Variants in PTPRE observed in about 807,000 individuals in gnomAD.
The protein encoded by PTPRE is receptor-type tyrosine-protein phosphatase epsilon.
In PTPRE, 51 loss-of-function variants were observed where a neutral mutation model predicts 102.0. The ratio of observed to expected loss-of-function variants is 0.50; its 90% CI spans 0.40 to 0.63. The LOEUF (loss-of-function observed/expected upper bound fraction) is 0.63, where lower values mean the gene tolerates loss of function less well. Among genes scored for constraint, PTPRE ranks in the 30% least tolerant of loss-of-function variants. PTPRE has a pLI of 0.00. For synonymous variants in PTPRE, 345 were observed against 348.2 expected (o/e 0.99, Z 0.10); for missense variants, 752 against 915.1 (o/e 0.82, Z 2.30).
chr10:128,024,759 G>T lies in PTPRE; in HGVS notation c.-7-16116G>T, dbSNP rs1438077002. Among the ~76,000 whole-genome samples the T allele has an allele frequency of 4.6e-5, 7 of 152,314 alleles. No homozygotes were observed. In the South Asian group the frequency reaches 1.4e-3, roughly 32 times the overall value. Reference sequence around the variant, plus strand: ...AGCCCCAGGAGGAAGCCCATCAGGGGACTTCCTGCGGCTTTAAAATTTCTT... The same window carrying T: ...AGCCCCAGGAGGAAGCCCATCAGGGTACTTCCTGCGGCTTTAAAATTTCTT... On this transcript the variant is annotated intron_variant, in intron 2 of 20. Coordinates refer to ENST00000254667, the MANE Select transcript of PTPRE (RefSeq NM_006504.6).
intron 7 of PTPRE, 38 bp from the exon 8 acceptor site, chr10:128,060,901 G>C: frequency 6.3e-7 from 1 of 1,582,150 alleles, no homozygotes; most frequent in Non-Finnish European, 8.7e-7. Flanking sequence ...GTGATTCCTG[G>C]TCCTAATATC....
intron 2 of PTPRE, among the ~76,000 whole-genome samples, chr10:128,036,048 A>T (rs1325560954): frequency 1.3e-5 from 2 of 152,144 alleles, no homozygotes; most frequent in Admixed American, 1.3e-4. Flanking sequence ...GTGAGGAGAG[A>T]GAGGGGACCA....
At chr10:128,069,242 A>C (rs1850546324) in intron 12 of PTPRE, 1 of 142,494 alleles carries the variant, frequency 7.0e-6, no homozygotes, top group Non-Finnish European at 1.5e-5. Context: ...CAGTAATCTG[A>C]CAGATGCCAC....
chr10:128,013,013 A>G (rs150385634), intron 2 of PTPRE, among the ~76,000 whole-genome samples: 262 of 152,262 alleles, frequency 1.7e-3, no homozygotes, highest in African/African-American at 5.8e-3. Flanking sequence ...AGTGCTTCCC[A>G]CTGTGAGAGC....
intron 2 of PTPRE, among the ~76,000 whole-genome samples, chr10:128,011,801 C>T (rs1017535246): frequency 6.6e-6 from 1 of 152,230 alleles, no homozygotes; most frequent in Admixed American, 6.5e-5. Flanking sequence ...ACTGTGGGTG[C>T]CTCACACGTG....
chr10:128,006,296 G>A (rs1258638153), intron 2 of PTPRE, among the ~76,000 whole-genome samples: 2 of 152,198 alleles, frequency 1.3e-5, no homozygotes, highest in Non-Finnish European at 2.9e-5. Flanking sequence ...GGCACCATCA[G>A]GGTCCCTGGG....
At chr10:127,996,128 G>A (rs1005736641) in intron 2 of PTPRE, among the ~76,000 whole-genome samples, 1 of 152,166 alleles carries the variant, frequency 6.6e-6, no homozygotes, top group Non-Finnish European at 1.5e-5. Flanking sequence ...CAGTGTGGAC[G>A]TGGAGTAGTG....
At chr10:127,912,001 T>C (rs1395579086) in intron 1 of PTPRE, among the ~76,000 whole-genome samples, 3 of 152,110 alleles carry the variant, frequency 2.0e-5, no homozygotes, top group African/African-American at 7.2e-5. Flanking sequence ...CAGACACAGA[T>C]GAGCAGTTGC....
chr10:127,917,760 T>C (rs1846309628), intron 1 of PTPRE, among the ~76,000 whole-genome samples: 1 of 152,174 alleles, frequency 6.6e-6, no homozygotes, highest in Admixed American at 6.5e-5. Flanking sequence ...CTGGGCACGG[T>C]GGCTCACACC....
rs553259523 is a variant in PTPRE at position 128,077,137 on chromosome 10, G to A, written c.1725+409G>A. ...AGAACTCGGGGTCAGCTGTAGGTAG[G>A]ATGACTCACTTGTACACAGGTCTTG... is the stretch of plus-strand genomic sequence containing the variant. On this transcript the variant is annotated intron_variant, in intron 18 of 20. Coordinates refer to ENST00000254667, the MANE Select transcript of PTPRE (RefSeq NM_006504.6). 3.3e-5 allele frequency among the ~76,000 whole-genome samples: 5 copies of A among 152,238 alleles called. No individual in the cohort carries two copies. The South Asian group carries it at 1.0e-3, about 32-fold the overall frequency.
At chr10:128,006,179 G>T (rs1854519753) in intron 2 of PTPRE, among the ~76,000 whole-genome samples, 1 of 152,220 alleles carries the variant, frequency 6.6e-6, no homozygotes, top group Non-Finnish European at 1.5e-5. Flanking sequence ...GCTGGCTGAT[G>T]ACCCATTCCC....
At chr10:127,914,671 G>A (rs1477482912) in intron 1 of PTPRE, among the ~76,000 whole-genome samples, 1 of 152,230 alleles carries the variant, frequency 6.6e-6, no homozygotes, top group African/African-American at 2.4e-5. Context: ...ATTTCCTACA[G>A]ATGTCGGTGT....
chr10:127,941,465 C>G (rs1002463682), intron 1 of PTPRE, among the ~76,000 whole-genome samples: 1 of 152,244 alleles, frequency 6.6e-6, no homozygotes, highest in Non-Finnish European at 1.5e-5. Flanking sequence ...ATCCCGGCCA[C>G]AGGGGTGCCC....
At chr10:128,062,524 C>T (rs758478740) in intron 9 of PTPRE, among the ~76,000 whole-genome samples, 4 of 152,164 alleles carry the variant, frequency 2.6e-5, no homozygotes, top group Admixed American at 6.5e-5. Context: ...CCTTATCTCC[C>T]CGCCCATCCC....
At chr10:127,920,448 TGCTTCTTCAAA>T (rs1013291626) in intron 1 of PTPRE, among the ~76,000 whole-genome samples, 4 of 152,182 alleles carry the variant, frequency 2.6e-5, no homozygotes, top group African/African-American at 9.7e-5. Flanking sequence ...CACCCTGCCC[TGCTTCTTCAAA>T]GCTCCTAGGT....
At chr10:127,946,821 C>G (rs1013089111) in intron 1 of PTPRE, among the ~76,000 whole-genome samples, 19 of 152,216 alleles carry the variant, frequency 1.2e-4, no homozygotes, top group Admixed American at 1.2e-3. Flanking sequence ...ATCACTTGAG[C>G]CCAGGAGTTC....
chr10:127,993,934 G>C (rs1448660709), intron 2 of PTPRE, among the ~76,000 whole-genome samples: 2 of 152,070 alleles, frequency 1.3e-5, no homozygotes, highest in Admixed American at 1.3e-4. Flanking sequence ...TGCTGGTCGG[G>C]GCAGGAAGTG....
chr10:128,041,038 C>A, intron 3 of PTPRE, 48 bp downstream of exon 3: 1 of 1,504,316 alleles, frequency 6.6e-7, no homozygotes, highest in Non-Finnish European at 9.2e-7. Flanking sequence ...TCCTCCTAAG[C>A]TCCTGGGACC....
intron 1 of PTPRE, among the ~76,000 whole-genome samples, chr10:127,915,380 A>G (rs1187073768): frequency 6.6e-6 from 1 of 152,220 alleles, no homozygotes; most frequent in Non-Finnish European, 1.5e-5. Context: ...GTACTGGTCA[A>G]AAAAGTACTC....
Sources: gnomAD v4.1 joint callset for allele counts (sites outside exome capture counted in the v4.1 genomes callset) on GRCh38, gnomAD v4.1.1 for gene constraint, MANE v1.5 for transcripts, NCBI Gene and HGNC (gene_info 2026-07-23, HGNC 2026-07-21) for gene names.